Variants in GAB3 observed in about 807,000 individuals in gnomAD.
The protein encoded by GAB3 is GRB2-associated-binding protein 3.
GAB3 carries 12 observed loss-of-function variants against 40.4 expected under a neutral mutation model. The observed-to-expected ratio is 0.30, with a 90% CI of 0.19 to 0.48. The LOEUF is 0.48. Ranked by LOEUF, GAB3 falls within the 20% of genes least tolerant of loss-of-function variation. The pLI is 0.99. For missense variants in GAB3, 381 were observed against 461.9 expected (o/e 0.82, Z 1.61); for synonymous variants, 154 against 176.7 (o/e 0.87, Z 1.02).
intron 1 of GAB3, among the ~76,000 whole-genome samples, chrX:154,741,311 A>C (rs1485650793): frequency 1.8e-5 from 2 of 111,701 alleles, no homozygotes; most frequent in Non-Finnish European, 3.8e-5. Flanking sequence ...GTGAAAACAG[A>C]CTAATATATG....
chrX:154,719,886 G>A (rs1557258365), intron 1 of GAB3, among the ~76,000 whole-genome samples: 1 of 111,279 alleles, frequency 9.0e-6, no homozygotes, highest in East Asian at 2.8e-4. Context: ...AAGGAATGAC[G>A]AGGGCCATGT....
chrX:154,714,285 T>G (rs1038184715), intron 2 of GAB3, among the ~76,000 whole-genome samples: 4 of 111,933 alleles, frequency 3.6e-5, no homozygotes, highest in Non-Finnish European at 7.5e-5. Flanking sequence ...CAGGCTCTAC[T>G]ACATAGCCAT....
In GAB3 at chrX:154,716,285, G is replaced by A. The variant is rs782464185; in HGVS notation, c.117C>T (p.Ser39=). The change falls in exon 2 of 10, where the codon AGC becomes AGT. Residue 39 remains serine (S), a synonymous_variant. Coordinates refer to ENST00000424127, the MANE Select transcript of GAB3 (RefSeq NM_001081573.3). ...AGTACTCCAAGACATCGGGGTTGCC[G>A]CTCATGCGGCCTCGCCGGAGGACAA... ...RWFVLRRGRM[S]GNPDVLEYYR... The A allele has an allele frequency of 5.3e-5, 64 of 1,211,316 alleles. No homozygotes were observed. Among genetic ancestry groups the A allele is most frequent in the South Asian group, 2.5e-4 (14 of 56,924 alleles).
chrX:154,738,227 T>G (rs2071390895), intron 1 of GAB3, among the ~76,000 whole-genome samples: 1 of 111,883 alleles, frequency 8.9e-6, no homozygotes, highest in South Asian at 3.7e-4. Flanking sequence ...TCCAGCTGCT[T>G]TCTCAGAAGC....
At chrX:154,728,536 A>C (rs1247644651) in intron 1 of GAB3, among the ~76,000 whole-genome samples, 2 of 112,379 alleles carry the variant, frequency 1.8e-5, no homozygotes, top group Non-Finnish European at 3.8e-5. Flanking sequence ...AGAAAAAAAA[A>C]TGTTGCTAAG....
At chrX:154,715,454 G>A (rs1356753438) in intron 2 of GAB3, among the ~76,000 whole-genome samples, 1 of 109,037 alleles carries the variant, frequency 9.2e-6, no homozygotes. Flanking sequence ...GAGAGAGAGA[G>A]ACTCTGGGGT....
intron 2 of GAB3, 65 bp downstream of exon 2, chrX:154,715,961 T>C (rs935399306): frequency 4.5e-5 from 48 of 1,062,734 alleles, no homozygotes; most frequent in South Asian, 1.3e-4. Context: ...TGAACTGTTT[T>C]TCTGCAGTAA....
At position 154,716,291 on chromosome X, in the gene GAB3, G is replaced by T; in HGVS notation, c.111C>A (p.Arg37=). 8.2e-7 allele frequency: 1 copy of T among 1,212,270 alleles called. No individual in the cohort carries two copies. Among genetic ancestry groups the T allele is most frequent in the East Asian group, 3.0e-5 (1 of 33,878 alleles). ...CCAAGACATCGGGGTTGCCGCTCAT[G>T]CGGCCTCGCCGGAGGACAAACCAGC... The part of the protein sequence containing the change: ...RKRWFVLRRG[R]MSGNPDVLEY... The change falls in exon 2 of 10, where the codon CGC becomes CGA. Residue 37 remains arginine (R), a synonymous_variant. Transcript: ENST00000424127.
rs1158606396 is a variant in GAB3 at position 154,711,482 on chromosome X, A to T, written c.1069+747T>A. Among the ~76,000 whole-genome samples, 5 of 111,797 alleles carry T rather than the reference A, an allele frequency of 4.5e-5. 1 individual carries two copies. Among genetic ancestry groups the T allele is most frequent in the Admixed American group, 2.8e-4 (3 of 10,535 alleles). On this transcript the variant is annotated intron_variant, in intron 4 of 9. Transcript: ENST00000424127. ...CAGCTTCTGAAGGCCAGAGAGGCCC[A>T]GGTGGAAAGAAACAGGTGGAGGAAG... is the stretch of plus-strand genomic sequence containing the variant.
In GAB3 at chrX:154,708,361, T is replaced by C. The variant is rs140120054; in HGVS notation, c.1069+3868A>G. On this transcript the variant is annotated intron_variant, in intron 4 of 9. Coordinates refer to ENST00000424127, the MANE Select transcript of GAB3 (RefSeq NM_001081573.3). ...ATGATTCCAAATGCACAGGCAAAAATAGCAAAAATAAACAAGCGGAGCTAC... is the reference window on the plus strand; with the variant it reads ...ATGATTCCAAATGCACAGGCAAAAACAGCAAAAATAAACAAGCGGAGCTAC... Among the ~76,000 whole-genome samples the C allele has an allele frequency of 2.7e-5, 3 of 111,697 alleles. No individual in the cohort carries two copies. In the East Asian group the frequency reaches 8.3e-4, roughly 31 times the overall value.
rs1348220809 is a variant in GAB3, at chrX:154,677,394, T to C, written c.*784A>G. ...TTGCAATTGGCAGCCTGAACAACTC[T>C]ATTCTCTAAGCTGGACTCTGGGTCT... On this transcript the variant is annotated 3_prime_UTR_variant, in exon 10 of 10. Transcript: ENST00000424127. 8.9e-6 allele frequency: 1 copy of C among 111,938 alleles called. No individual in the cohort carries two copies. Among genetic ancestry groups the C allele is most frequent in the Non-Finnish European group, 1.9e-5 (1 of 53,183 alleles). 9.2% of individuals were successfully genotyped at this position (111,938 alleles called of 1,213,427 possible). A position where few individuals can be genotyped will look rare whatever the true frequency, so the allele number is the denominator to read the frequency against.
At chrX:154,737,954 C>T (rs1306624161) in intron 1 of GAB3, among the ~76,000 whole-genome samples, 7 of 111,623 alleles carry the variant, frequency 6.3e-5, no homozygotes, top group African/African-American at 2.3e-4. Context: ...TGCACCACTG[C>T]ACTCCAGCCT....
At chrX:154,707,590 C>G (rs1374742989) in intron 4 of GAB3, among the ~76,000 whole-genome samples, 1 of 111,819 alleles carries the variant, frequency 8.9e-6, no homozygotes, top group Non-Finnish European at 1.9e-5. Context: ...TATTCCACAG[C>G]AAACCACATT....
intron 6 of GAB3, among the ~76,000 whole-genome samples, chrX:154,697,528 T>C (rs1557251060): frequency 2.7e-5 from 3 of 112,007 alleles, no homozygotes. Context: ...CCTTGTGGAA[T>C]TGCAACATCT....
intron 1 of GAB3, among the ~76,000 whole-genome samples, chrX:154,747,378 T>A (rs1345930993): frequency 2.7e-5 from 3 of 112,652 alleles, no homozygotes; most frequent in Non-Finnish European, 5.6e-5. Flanking sequence ...CAATAAATAG[T>A]ACTGGAACAA....
chrX:154,750,622 C>T (rs933177191), intron 1 of GAB3, among the ~76,000 whole-genome samples: 1 of 112,352 alleles, frequency 8.9e-6, no homozygotes, highest in Non-Finnish European at 1.9e-5. Context: ...GAAAGGGGCA[C>T]GCTTTCGAGA....
At chrX:154,744,530 G>C (rs1261143817) in intron 1 of GAB3, among the ~76,000 whole-genome samples, 1 of 112,142 alleles carries the variant, frequency 8.9e-6, no homozygotes, top group Admixed American at 9.5e-5. Context: ...AATATGTGAA[G>C]TAAAAACAAA....
intron 8 of GAB3, among the ~76,000 whole-genome samples, chrX:154,682,284 G>A (rs916648382): frequency 1.8e-5 from 2 of 110,910 alleles, no homozygotes; most frequent in Non-Finnish European, 3.8e-5. Flanking sequence ...AGATTATTTC[G>A]AGTTATCATT....
At chrX:154,726,494 A>G (rs1287693133) in intron 1 of GAB3, among the ~76,000 whole-genome samples, 1 of 112,007 alleles carries the variant, frequency 8.9e-6, no homozygotes, top group African/African-American at 3.3e-5. Flanking sequence ...GATGCATAAA[A>G]GTAAGCGGCC....
Sources: gnomAD v4.1 joint callset for allele counts (sites outside exome capture counted in the v4.1 genomes callset) on GRCh38, gnomAD v4.1.1 for gene constraint, MANE v1.5 for transcripts, NCBI Gene and HGNC (gene_info 2026-07-23, HGNC 2026-07-21) for gene names.